Variants in HMCN2 observed in about 807,000 individuals in gnomAD.
HMCN2 encodes the protein hemicentin-2.
Under a neutral mutation model 377.5 loss-of-function variants are expected in HMCN2, and 325 were observed. That is an observed-to-expected ratio of 0.86 (90% confidence interval 0.79 to 0.94). The LOEUF is 0.94. Among genes scored for constraint, HMCN2 ranks in the 40% least tolerant of loss-of-function variants. The pLI is 0.00. For synonymous variants in HMCN2, 2,007 were observed against 2,046.8 expected, an observed-to-expected ratio of 0.98 and a Z score of 0.53; for missense variants, 4,543 against 4,725.3, an observed-to-expected ratio of 0.96 and a Z score of 1.13.
chr9:130,297,600 A>T (rs1480735782), intron 7 of HMCN2, among the ~76,000 whole-genome samples: 1 of 152,084 alleles, frequency 6.6e-6, no homozygotes, highest in Non-Finnish European at 1.5e-5. Context: ...GGTCAGGCTG[A>T]CTCTGGACCC....
chr9:130,301,124 G>A (rs192431277), intron 8 of HMCN2, among the ~76,000 whole-genome samples: 2 of 152,354 alleles, frequency 1.3e-5, no homozygotes, highest in African/African-American at 4.8e-5. Flanking sequence ...AGTGCCCATG[G>A]TTGGTGGAGG....
rs1844045892 is a variant in HMCN2, at chr9:130,422,025, T to C, written c.13232-552T>C. Among the ~76,000 whole-genome samples, 1 of 152,192 alleles carries C rather than the reference T, an allele frequency of 6.6e-6. No homozygotes were observed. Among genetic ancestry groups the C allele is most frequent in the East Asian group, 1.9e-4 (1 of 5,184 alleles). On this transcript the variant is annotated intron_variant, in intron 86 of 97. Transcript: ENST00000683500. The surrounding 1 kb of genome is among the most constrained non-coding windows in gnomAD (Gnocchi z 4.2). ...CCTGCATCATCCGTTTGATTAGCGC[T>C]AAAGAGCATCTGCTCACAGATGGCC...
In HMCN2 at chr9:130,320,923, G is replaced by C. The variant is rs1419119248; in HGVS notation, c.2775+20G>C. The C allele has an allele frequency of 6.6e-6, 1 of 152,408 alleles. No individual in the cohort carries two copies. The highest frequency in any genetic ancestry group is 1.5e-5 in the Non-Finnish European group (1 of 68,210). The allele number at this position is 152,408 out of a possible 1,614,324, so 9.4% of individuals were successfully genotyped here. ...CGGCCCGTGAGTGTCGGGCTCCTCT[G>C]GGTGCGGTGGGCGGTGGCACCTGGG... On this transcript the variant is annotated intron_variant, in intron 18 of 97. Coordinates refer to ENST00000683500, the MANE Select transcript of HMCN2 (RefSeq NM_001291815.2).
Position 130,394,227 on chromosome 9 carries a change from C to T in HMCN2, c.10502-158C>T, listed in dbSNP as rs759223776. On this transcript the variant is annotated intron_variant, in intron 68 of 97. Transcript: ENST00000683500. The surrounding 1 kb of genome is among the most constrained non-coding windows in gnomAD (Gnocchi z 5.1). ...GGGCTTTGATTCTCCCAGGGCTGTG[C>T]TCCTGGTTTCTTTCCACCAAACCTT... is the stretch of plus-strand genomic sequence containing the variant. Among the ~76,000 whole-genome samples the T allele has an allele frequency of 1.3e-5, 2 of 152,196 alleles. No homozygotes were observed. The highest frequency in any genetic ancestry group is 2.4e-5 in the African/African-American group (1 of 41,448).
Position 130,361,202 on chromosome 9 carries a change from G to A in HMCN2, c.5950+598G>A, listed in dbSNP as rs1840370562. On this transcript the variant is annotated intron_variant, in intron 38 of 97. Coordinates refer to ENST00000683500, the MANE Select transcript of HMCN2 (RefSeq NM_001291815.2). This position sits in a 1 kb window ranked among gnomAD's most constrained non-coding sequence, Gnocchi z 4.8. ...AGCTTTCAGTGTAGTGGAGGACACA[G>A]CAATCAGATCATTCCCCAGAGTACT... 6.6e-6 allele frequency among the ~76,000 whole-genome samples: 1 copy of A among 152,214 alleles called. No homozygotes were observed. The highest frequency in any genetic ancestry group is 2.4e-5 in the African/African-American group (1 of 41,454).
chr9:130,403,355 G>A (rs1012646992), intron 79 of HMCN2, 27 bp downstream of exon 79: 21 of 1,289,074 alleles, frequency 1.6e-5, no homozygotes, highest in Non-Finnish European at 2.0e-5. Flanking sequence ...GCCAGCCTGG[G>A]AAGGGAAGAG....
chr9:130,403,517 A>G (rs1842954027), intron 79 of HMCN2, among the ~76,000 whole-genome samples, 189 bp downstream of exon 79: 2 of 152,154 alleles, frequency 1.3e-5, no homozygotes, highest in African/African-American at 4.8e-5. Flanking sequence ...TCCTGTCACC[A>G]TGGCCTGAGA....
intron 12 of HMCN2, 87 bp downstream of exon 12, chr9:130,306,357 C>G (rs897614775): frequency 2.1e-5 from 9 of 435,992 alleles, no homozygotes; most frequent in Admixed American, 7.6e-5. Context: ...GCCTTCCTAT[C>G]TGTAAATGGG....
At chr9:130,372,234 C>T (rs1043032604) in intron 46 of HMCN2, 60 bp from the exon 47 acceptor site, 25 of 613,828 alleles carry the variant, frequency 4.1e-5, no homozygotes, top group African/African-American at 2.8e-4. Flanking sequence ...GCAGGGGGCT[C>T]GGCTTGGGAC....
intron 62 of HMCN2, 104 bp downstream of exon 62, chr9:130,388,644 C>A: frequency 3.6e-6 from 3 of 822,124 alleles, no homozygotes; most frequent in South Asian, 5.5e-5. Context: ...ATGATCTTGG[C>A]AAAACCAGAG....
At position 130,394,650 on chromosome 9, in the gene HMCN2, G is replaced by T; in HGVS notation, c.10692+75G>T. 2.6e-6 allele frequency: 3 copies of T among 1,143,974 alleles called. No homozygotes were observed. The highest frequency in any genetic ancestry group is 3.4e-6 in the Non-Finnish European group (3 of 886,600). The allele number at this position is 1,143,974 out of a possible 1,614,324, so 70.9% of individuals were successfully genotyped here. On this transcript the variant is annotated intron_variant, in intron 69 of 97. Transcript: ENST00000683500. This position sits in a 1 kb window ranked among gnomAD's most constrained non-coding sequence, Gnocchi z 5.1. ...AGGGACTGCAGGTTCCCCAGACCCA[G>T]TGGGCAGTTGACAAAGTTGGGCTGA...
At chr9:130,335,352 A>G (rs921676128) in intron 22 of HMCN2, among the ~76,000 whole-genome samples, 35 of 152,316 alleles carry the variant, frequency 2.3e-4, no homozygotes, top group Non-Finnish European at 4.1e-4. Context: ...AAAAAGCTGT[A>G]GAAGAGAACA....
chr9:130,297,108 C>G (rs1554932452), intron 7 of HMCN2, among the ~76,000 whole-genome samples: 1 of 152,234 alleles, frequency 6.6e-6, no homozygotes, highest in Non-Finnish European at 1.5e-5. Context: ...TTCACACCTT[C>G]TTCTTTCTTT....
intron 62 of HMCN2, among the ~76,000 whole-genome samples, chr9:130,389,452 G>T (rs540376466): frequency 6.6e-6 from 1 of 152,268 alleles, no homozygotes; most frequent in South Asian, 2.1e-4. Flanking sequence ...TGTCTCTGTG[G>T]ATTGGCCTGT....
intron 4 of HMCN2, among the ~76,000 whole-genome samples, chr9:130,293,016 A>C (rs7852845): frequency 0.38 from 57,022 of 151,710 alleles, 13,839 homozygotes; most frequent in African/African-American, 0.7. Context: ...CTACCTGCCT[A>C]TATACCTACC....
chr9:130,341,940 C>T (rs1839071569), intron 24 of HMCN2, among the ~76,000 whole-genome samples: 1 of 151,738 alleles, frequency 6.6e-6, no homozygotes, highest in East Asian at 1.9e-4. Flanking sequence ...ATTTGGGAGG[C>T]CGAGGTGGGT....
At position 130,353,044 on chromosome 9, in the gene HMCN2, A is replaced by C. The variant is rs141468114; in HGVS notation, c.4703A>C (p.Lys1568Thr). The stretch of plus-strand genomic sequence containing the variant: ...CCCACCCCAAACATCACCTGGTTCA[A>C]GGACGGGGCCCTGCTCCCCACCAGC... ...GVPTPNITWF[K>T]DGALLPTSTK... The change falls in exon 31 of 98, where the codon AAG becomes ACG. Residue 1568 changes from lysine (K) to threonine (T), a missense_variant. By Grantham distance (78) the Lys-to-Thr change is moderately conservative (BLOSUM62 -1). Transcript: ENST00000683500. The C allele has an allele frequency of 4.6e-6, 6 of 1,304,080 alleles. No individual in the cohort carries two copies. The highest frequency in any genetic ancestry group is 6.1e-6 in the Non-Finnish European group (6 of 988,934). 80.8% of individuals were successfully genotyped at this position (1,304,080 alleles called of 1,614,324 possible).
Position 130,408,659 on chromosome 9 carries a change from T to C in HMCN2, c.12689-84T>C, listed in dbSNP as rs1843236538. The C allele has an allele frequency of 1.6e-5, 16 of 1,005,938 alleles. No homozygotes were observed. In the South Asian group the frequency reaches 2.5e-4, roughly 16 times the overall value. The allele number at this position is 1,005,938 out of a possible 1,614,324, so 62.3% of individuals were successfully genotyped here. A position where few individuals can be genotyped will look rare whatever the true frequency, so the allele number is the denominator to read the frequency against. ...CTCTGGAGGCCCCTGGAGGCAGGAG[T>C]TGGGCAGTCCTTTGGGGTTTATGGG... On this transcript the variant is annotated intron_variant, in intron 83 of 97. Coordinates refer to ENST00000683500, the MANE Select transcript of HMCN2 (RefSeq NM_001291815.2).
chr9:130,349,874 T>A (rs1347183860), intron 29 of HMCN2, among the ~76,000 whole-genome samples: 2 of 147,384 alleles, frequency 1.4e-5, no homozygotes, highest in African/African-American at 2.5e-5. Flanking sequence ...AGTCTTCTCA[T>A]CTCTTAGCCT....
Sources: allele counts gnomAD v4.1 joint callset (sites outside exome capture counted in the v4.1 genomes callset), GRCh38; gene constraint gnomAD v4.1.1; non-coding constraint Gnocchi (gnomAD v3.1); transcripts MANE v1.5; gene names NCBI Gene and HGNC (gene_info 2026-07-23, HGNC 2026-07-21).